Variants in MARCHF1 observed in about 807,000 individuals in gnomAD.
MARCHF1 encodes membrane associated ring-CH-type finger 1, also known as E3 ubiquitin-protein ligase MARCHF1.
In MARCHF1, 40 loss-of-function variants were observed where a neutral mutation model predicts 54.2. That is an observed-to-expected ratio of 0.74 (90% CI 0.57 to 0.96). The LOEUF is 0.96. Ranked by LOEUF, MARCHF1 falls within the 40% of genes least tolerant of loss-of-function variation. The pLI, the probability that MARCHF1 is intolerant of heterozygous loss-of-function variation, is 0.00. For synonymous variants in MARCHF1, 236 were observed against 236.3 expected (o/e 1.00, Z 0.01); for missense variants, 586 against 656.5 (o/e 0.89, Z 1.17).
intron 2 of MARCHF1, among the ~76,000 whole-genome samples, chr4:164,088,722 G>C (rs1391423546): frequency 6.6e-6 from 1 of 152,142 alleles, no homozygotes; most frequent in African/African-American, 2.4e-5. Flanking sequence ...CTGGGAGACA[G>C]AGTGAGTCTC....
intron 1 of MARCHF1, among the ~76,000 whole-genome samples, chr4:164,156,196 T>C (rs982439227): frequency 6.6e-6 from 1 of 152,158 alleles, no homozygotes; most frequent in Non-Finnish European, 1.5e-5. Context: ...TCTACATTTT[T>C]AACAAGAACT....
intron 7 of MARCHF1, among the ~76,000 whole-genome samples, chr4:163,605,109 C>G (rs1269303656): frequency 1.3e-5 from 2 of 151,876 alleles, no homozygotes; most frequent in African/African-American, 4.8e-5. Context: ...TAAATGAATA[C>G]ACAGATATGA....
chr4:163,773,552 G>T (rs983006382), intron 4 of MARCHF1, among the ~76,000 whole-genome samples: 4 of 152,284 alleles, frequency 2.6e-5, no homozygotes, highest in Non-Finnish European at 5.9e-5. Context: ...TCTCTTGAGA[G>T]ATTCTTGATA....
intron 4 of MARCHF1, among the ~76,000 whole-genome samples, chr4:163,715,861 C>G (rs904277940): frequency 1.3e-5 from 2 of 152,070 alleles, no homozygotes; most frequent in Non-Finnish European, 2.9e-5. Flanking sequence ...AATTTTCAAA[C>G]AACACTCCAT....
intron 7 of MARCHF1, among the ~76,000 whole-genome samples, chr4:163,609,554 A>G (rs966321872): frequency 6.6e-6 from 1 of 151,790 alleles, no homozygotes; most frequent in African/African-American, 2.4e-5. Flanking sequence ...GACACTGGTG[A>G]CTACACTGTG....
intron 1 of MARCHF1, among the ~76,000 whole-genome samples, chr4:164,328,026 GA>G (rs1215018085): frequency 1.3e-5 from 2 of 152,194 alleles, no homozygotes; most frequent in African/African-American, 4.8e-5. Context: ...TGTGCCATCA[GA>G]ACCTGGGCTA....
chr4:164,371,939 C>T (rs745661167), intron 1 of MARCHF1, among the ~76,000 whole-genome samples: 16 of 152,074 alleles, frequency 1.1e-4, no homozygotes, highest in Non-Finnish European at 2.4e-4. Flanking sequence ...TCTTTTGTAA[C>T]TTTTTTCACT....
intron 1 of MARCHF1, among the ~76,000 whole-genome samples, chr4:164,193,615 CATTGACAATCCA>C (rs927271321): frequency 1.3e-5 from 2 of 152,112 alleles, no homozygotes; most frequent in Non-Finnish European, 2.9e-5. Context: ...GCCGCCTGGG[CATTGACAATCCA>C]ATGGATGTTC....
In MARCHF1 at chr4:164,202,030, C is replaced by T. The variant is rs564849777; in HGVS notation, c.-322-90368G>A. Among the ~76,000 whole-genome samples the T allele has an allele frequency of 8.9e-4, 135 of 152,188 alleles. 1 individual carries two copies. The highest frequency in any genetic ancestry group is 3.1e-3 in the African/African-American group (128 of 41,518). On this transcript the variant is annotated intron_variant, in intron 1 of 9. Coordinates refer to ENST00000514618, the MANE Select transcript of MARCHF1 (RefSeq NM_001394959.1). The stretch of plus-strand genomic sequence containing the variant: ...ATGTCAGGCTCTAGGGCTATAGTAG[C>T]GAATGAAATGAAAATATATCAGCTC...
chr4:164,248,897 C>T (rs985965359), intron 1 of MARCHF1, among the ~76,000 whole-genome samples: 3 of 145,484 alleles, frequency 2.1e-5, no homozygotes, highest in African/African-American at 8.1e-5. Flanking sequence ...TTTCATAATT[C>T]ATTCACATAA....
chr4:164,018,513 G>T (rs1700646057), intron 2 of MARCHF1, among the ~76,000 whole-genome samples: 1 of 151,642 alleles, frequency 6.6e-6, no homozygotes, highest in Admixed American at 6.6e-5. Context: ...ATATAAAATT[G>T]GCAAATTATT....
intron 2 of MARCHF1, among the ~76,000 whole-genome samples, chr4:164,092,970 T>G (rs959058657): frequency 3.3e-5 from 5 of 152,120 alleles, no homozygotes; most frequent in Non-Finnish European, 5.9e-5. Context: ...TAAAACCCTC[T>G]GTAAATGGGC....
chr4:164,102,941 C>G (rs1334866104), intron 2 of MARCHF1, among the ~76,000 whole-genome samples: 1 of 121,780 alleles, frequency 8.2e-6, no homozygotes, highest in Non-Finnish European at 1.7e-5. Flanking sequence ...CAATGGAAAA[C>G]AAAAAAAGGC....
At chr4:163,967,801 G>A (rs1008236248) in intron 3 of MARCHF1, among the ~76,000 whole-genome samples, 1 of 152,106 alleles carries the variant, frequency 6.6e-6, no homozygotes, top group Non-Finnish European at 1.5e-5. Flanking sequence ...TAGCAGGCTC[G>A]AGGCCCAGGA....
chr4:164,283,091 A>G (rs578144253), intron 1 of MARCHF1, among the ~76,000 whole-genome samples: 3 of 151,340 alleles, frequency 2.0e-5, no homozygotes, highest in African/African-American at 7.3e-5. Flanking sequence ...ATGATAGTGT[A>G]GTTTTCAAAG....
At chr4:163,534,071 A>G (rs1440915074) in intron 9 of MARCHF1, among the ~76,000 whole-genome samples, 3 of 152,010 alleles carry the variant, frequency 2.0e-5, no homozygotes, top group African/African-American at 7.2e-5. Context: ...ACATCCTAAT[A>G]TAGGTTTAAG....
intron 2 of MARCHF1, among the ~76,000 whole-genome samples, chr4:164,095,817 T>A (rs1471896640): frequency 6.6e-6 from 1 of 152,024 alleles, no homozygotes; most frequent in Non-Finnish European, 1.5e-5. Context: ...AACACAAAAA[T>A]AATCAGTATC....
chr4:163,709,246 C>T (rs997113138), intron 4 of MARCHF1, among the ~76,000 whole-genome samples: 11 of 151,990 alleles, frequency 7.2e-5, no homozygotes, highest in African/African-American at 1.4e-4. Context: ...TGGGAGTAGT[C>T]TAGCTTTTTC....
chr4:163,858,916 T>C (rs1002762952), intron 3 of MARCHF1, among the ~76,000 whole-genome samples: 4 of 152,142 alleles, frequency 2.6e-5, no homozygotes, highest in African/African-American at 9.7e-5. Flanking sequence ...TATGATAAAT[T>C]TATTGCTGTG....
Sources: gnomAD v4.1 joint callset for allele counts (sites outside exome capture counted in the v4.1 genomes callset) on GRCh38, gnomAD v4.1.1 for gene constraint, MANE v1.5 for transcripts, NCBI Gene and HGNC (gene_info 2026-07-23, HGNC 2026-07-21) for gene names.